The following CEP63 variants were observed in gnomAD, a reference collection of about 807,000 sequenced individuals.
CEP63 encodes centrosomal protein 63, also known as centrosomal protein of 63 kDa.
A neutral mutation model predicts 89.1 loss-of-function variants in CEP63; 84 were observed. The observed-to-expected ratio is 0.94, with a 90% CI of 0.79 to 1.13. CEP63 has a LOEUF of 1.13. Among genes scored for constraint, CEP63 ranks in the 50% most tolerant of loss-of-function variants. The pLI is 0.00. For missense variants in CEP63, 838 were observed against 813.3 expected (o/e 1.03, Z -0.37); for synonymous variants, 267 against 272.5 (o/e 0.98, Z 0.20).
intron 1 of CEP63, among the ~76,000 whole-genome samples, chr3:134,492,790 AT>A (rs1389552919): frequency 1.3e-5 from 2 of 152,196 alleles, no homozygotes. Context: ...ACTGTAAAAT[AT>A]ATAAAGGTTG....
At chr3:134,654,840 C>G in the CEP63 span, among the ~76,000 whole-genome samples, 1 of 151,794 alleles carries the variant, frequency 6.6e-6, no homozygotes, top group Non-Finnish European at 1.5e-5. Flanking sequence ...TGAAGCCTTC[C>G]TGGGTACCCC....
chr3:134,714,984 A>T, the CEP63 span, among the ~76,000 whole-genome samples: 1 of 152,210 alleles, frequency 6.6e-6, no homozygotes, highest in African/African-American at 2.4e-5. Context: ...TCCCAAACCC[A>T]GCTAGGGAGG....
downstream of CEP63, among the ~76,000 whole-genome samples, chr3:134,566,007 G>A (rs1216453315): frequency 2.0e-5 from 3 of 152,136 alleles, no homozygotes; most frequent in Non-Finnish European, 4.4e-5. Context: ...ACATGATTGC[G>A]TAAAGCTCTC....
chr3:134,559,165 G>A lies in CEP63; in HGVS notation c.1689G>A (p.Gln563=), dbSNP rs779537588. 1.2e-6 allele frequency: 2 copies of A among 1,614,076 alleles called. No homozygotes were observed. The highest frequency in any genetic ancestry group is 2.2e-5 in the East Asian group (1 of 44,880). Residue 563 remains glutamine (Q), a synonymous_variant, in exon 14 of 15, where the codon CAG becomes CAA. Transcript: ENST00000675561. ...KNTEFKPTHG[Q]HRHDGIKTEH... ...TACCATCCAGGCCAACCCATGGCCA[G>A]CACAGACATGATGGAATAAAGACTG... is the stretch of plus-strand genomic sequence containing the variant.
intron 6 of CEP63, among the ~76,000 whole-genome samples, chr3:134,538,358 C>T (rs1951213945): frequency 6.6e-6 from 1 of 150,798 alleles, no homozygotes; most frequent in South Asian, 2.1e-4. Context: ...CTGTGAGTGA[C>T]TTCATTCAAA....
chr3:134,607,685 G>GC, the CEP63 span: 1 of 985,734 alleles, frequency 1.0e-6, no homozygotes, highest in Non-Finnish European at 1.2e-6. Context: ...CTCCAGGGCA[G>GC]CCCCCGTATG....
At chr3:134,679,747 G>T in the CEP63 span, among the ~76,000 whole-genome samples, 1 of 152,306 alleles carries the variant, frequency 6.6e-6, no homozygotes, top group South Asian at 2.1e-4. Context: ...TTTTGAGACA[G>T]AGTCTGGCTC....
At chr3:134,628,816 C>G in the CEP63 span, among the ~76,000 whole-genome samples, 1 of 152,314 alleles carries the variant, frequency 6.6e-6, no homozygotes, top group South Asian at 2.1e-4. Context: ...CAAGGTCACA[C>G]AGCTGAAACA....
chr3:134,627,909 T>G, the CEP63 span: 1 of 959,618 alleles, frequency 1.0e-6, no homozygotes, highest in East Asian at 2.4e-5. Context: ...TCCTTGCTTT[T>G]GACCCCTCCT....
chr3:134,755,925 G>GT, the CEP63 span, among the ~76,000 whole-genome samples: 5 of 152,294 alleles, frequency 3.3e-5, no homozygotes, highest in African/African-American at 1.2e-4. Context: ...TTTCCACCTG[G>GT]TTTGAAGAAA....
intron 10 of CEP63, 108 bp downstream of exon 10, chr3:134,549,284 G>GT: frequency 1.4e-6 from 1 of 720,282 alleles, no homozygotes; most frequent in Non-Finnish European, 2.5e-6. Flanking sequence ...TGTAGTTCAA[G>GT]GGACCACTTG....
At position 134,587,221 on chromosome 3, in the gene CEP63, A is replaced by AT. The variant is rs199586745; in HGVS notation, c.1207-237_1207-236insT. 7.3e-5 allele frequency among the ~76,000 whole-genome samples: 5 copies of AT among 68,512 alleles called. No homozygotes were observed. The South Asian group carries it at 1.3e-3, about 18-fold the overall frequency. 44.9% of individuals were successfully genotyped at this position (68,512 alleles called of 152,430 possible). The stretch of plus-strand genomic sequence containing the variant: ...AACTCGTCAAAGTCATTCTCTGTCC[A>AT]GTTTTTTTCCGTTGCTGGCGAGGAG... On this transcript the variant is annotated intron_variant, in intron 10 of 10. Transcript: ENST00000683931.
intron 6 of CEP63, among the ~76,000 whole-genome samples, chr3:134,544,636 T>TGC (rs1553774710): frequency 1.4e-5 from 2 of 145,228 alleles, no homozygotes; most frequent in Non-Finnish European, 3.0e-5. Flanking sequence ...ATGCTCTAGG[T>TGC]GGGGGGGGGA....
At chr3:134,650,766 T>C in the CEP63 span, 2 of 1,464,154 alleles carry the variant, frequency 1.4e-6, no homozygotes, top group Non-Finnish European at 1.8e-6. Context: ...GGGCAGGCCC[T>C]TGTGGCAAGG....
chr3:134,715,515 GT>G, the CEP63 span, among the ~76,000 whole-genome samples: 123,005 of 146,246 alleles, frequency 0.84, 52,173 homozygotes, highest in East Asian at 0.99. Context: ...GCCAGGAAAG[GT>G]TTTTTTTTTT....
the CEP63 span, among the ~76,000 whole-genome samples, chr3:134,650,521 A>G: frequency 2.6e-5 from 4 of 152,116 alleles, no homozygotes; most frequent in African/African-American, 9.7e-5. Context: ...GTATCTTCCA[A>G]TCTTGCTCTA....
At chr3:134,753,185 T>C in the CEP63 span, among the ~76,000 whole-genome samples, 1 of 152,232 alleles carries the variant, frequency 6.6e-6, no homozygotes, top group African/African-American at 2.4e-5. Context: ...AGTGGGTGTC[T>C]GGCTGTCTGC....
At chr3:134,701,479 T>C in the CEP63 span, among the ~76,000 whole-genome samples, 8 of 147,484 alleles carry the variant, frequency 5.4e-5, no homozygotes, top group South Asian at 2.1e-4. Context: ...CACACACACA[T>C]ATATATATAC....
chr3:134,647,622 T>C, the CEP63 span: 1 of 601,030 alleles, frequency 1.7e-6, no homozygotes, highest in Non-Finnish European at 3.0e-6. Context: ...TGAGAGAGGC[T>C]ACCCATGAAT....
Sources: allele counts gnomAD v4.1 joint callset (sites outside exome capture counted in the v4.1 genomes callset), GRCh38; gene constraint gnomAD v4.1.1; transcripts MANE v1.5; gene names NCBI Gene and HGNC (gene_info 2026-07-23, HGNC 2026-07-21).